The following ARHGEF12 variants were observed in gnomAD, a reference collection of about 807,000 sequenced individuals.
The protein encoded by ARHGEF12 is KMT2A/ARHGEF12 fusion protein.
A neutral mutation model predicts 211.2 loss-of-function variants in ARHGEF12; 66 were observed. The observed-to-expected ratio is 0.31, with a 90% confidence interval of 0.26 to 0.38. The LOEUF is 0.38. ARHGEF12 is among the 10% of genes least tolerant of loss of function. The pLI is 1.00. For missense variants in ARHGEF12, 1,429 were observed against 1,869.5 expected (o/e 0.76, Z 4.34); for synonymous variants, 592 against 638.4 (o/e 0.93, Z 1.09).
intron 4 of ARHGEF12, among the ~76,000 whole-genome samples, chr11:120,415,084 G>C (rs1409967166): frequency 6.6e-6 from 1 of 152,162 alleles, no homozygotes. Flanking sequence ...CTTTATACCA[G>C]ATGATAAAGG....
chr11:120,481,664 A>G (rs1375460621), intron 39 of ARHGEF12, 88 bp downstream of exon 39: 5 of 1,311,752 alleles, frequency 3.8e-6, no homozygotes, highest in South Asian at 1.3e-5. Context: ...GCTGATGTCA[A>G]TAAACTTGTT....
chr11:120,394,220 A>G (rs1048254703), intron 1 of ARHGEF12, among the ~76,000 whole-genome samples: 47 of 151,918 alleles, frequency 3.1e-4, no homozygotes, highest in African/African-American at 1.0e-3. Flanking sequence ...CAATGACATC[A>G]GCTTCTTTTT....
At chr11:120,421,654 T>C in intron 5 of ARHGEF12, 149 bp from the exon 6 acceptor site, 1 of 670,402 alleles carries the variant, frequency 1.5e-6, no homozygotes, top group Non-Finnish European at 2.7e-6. Context: ...GCCAGGATGG[T>C]CTCGATCTCT....
chr11:120,349,623 T>C (rs1591486000), intron 1 of ARHGEF12, among the ~76,000 whole-genome samples: 1 of 152,218 alleles, frequency 6.6e-6, no homozygotes, highest in East Asian at 1.9e-4. Flanking sequence ...AGCAGTTTAA[T>C]TTTTTCATCT....
chr11:120,429,364 C>T (rs1326960139), intron 8 of ARHGEF12, 76 bp from the exon 9 acceptor site: 1 of 1,245,266 alleles, frequency 8.0e-7, no homozygotes, highest in Non-Finnish European at 1.1e-6. Flanking sequence ...CTTTGTATGC[C>T]ACATTTTCTC....
intron 1 of ARHGEF12, among the ~76,000 whole-genome samples, chr11:120,355,623 C>T (rs1023975609): frequency 1.3e-5 from 2 of 152,162 alleles, no homozygotes; most frequent in African/African-American, 4.8e-5. Flanking sequence ...GGGAGGATTG[C>T]TTGAGCCCAG....
intron 1 of ARHGEF12, among the ~76,000 whole-genome samples, chr11:120,343,144 CAA>C (rs1455287795): frequency 6.6e-6 from 1 of 151,814 alleles, no homozygotes; most frequent in Non-Finnish European, 1.5e-5. Context: ...TTGTTAATGA[CAA>C]GACAGTGTAA....
rs193221039 is a variant in ARHGEF12 at position 120,452,945 on chromosome 11, A to T, written c.2056+1221A>T. 2.7e-3 allele frequency among the ~76,000 whole-genome samples: 410 copies of T among 151,620 alleles called. 7 individuals are homozygous for T. The highest frequency in any genetic ancestry group is 0.02 in the Admixed American group (305 of 15,244). ...CAGGAGGTGGGTGGAGGTTGCAGTG[A>T]GCCAAGATCGTGCCAATGCACTCCA... On this transcript the variant is annotated intron_variant, in intron 22 of 40. Coordinates refer to ENST00000397843, the MANE Select transcript of ARHGEF12 (RefSeq NM_015313.3).
chr11:120,415,427 G>A (rs1306795005), intron 4 of ARHGEF12, among the ~76,000 whole-genome samples: 2 of 152,138 alleles, frequency 1.3e-5, no homozygotes, highest in African/African-American at 4.8e-5. Context: ...AACTAGTATG[G>A]ACAGATGCTC....
rs755148156 is a variant in ARHGEF12 at position 120,486,262 on chromosome 11, A to C, written c.*1185A>C. On this transcript the variant is annotated 3_prime_UTR_variant, in exon 41 of 41. Transcript: ENST00000397843. ...ATGGTGCCAAAGGGCCCTGAGTCAA[A>C]AGGATAGCCAAGGGTGGAGTGGAAA... The C allele has an allele frequency of 4.3e-6, 1 of 233,414 alleles. No individual in the cohort carries two copies. 14.5% of individuals were successfully genotyped at this position (233,414 alleles called of 1,614,324 possible).
chr11:120,346,794 G>A (rs758032959), intron 1 of ARHGEF12, among the ~76,000 whole-genome samples: 14 of 152,128 alleles, frequency 9.2e-5, no homozygotes, highest in Non-Finnish European at 1.3e-4. Flanking sequence ...AGCAGTTAAT[G>A]TACGGACAAT....
rs895514764 is a variant in ARHGEF12 at position 120,479,901 on chromosome 11, C to T, written c.3767-59C>T. The stretch of plus-strand genomic sequence containing the variant: ...GGTAAGTCAGCTAATTTAATTCTTG[C>T]AGCCTGAGGTTATAGTTGTGAATAT... On this transcript the variant is annotated intron_variant, in intron 37 of 40. Transcript: ENST00000397843. 2.0e-5 allele frequency: 28 copies of T among 1,403,712 alleles called. No individual in the cohort carries two copies. The East Asian group carries it at 5.1e-4, about 25-fold the overall frequency. The allele number at this position is 1,403,712 out of a possible 1,614,324, so 87.0% of individuals were successfully genotyped here. A position where few individuals can be genotyped will look rare whatever the true frequency, so the allele number is the denominator to read the frequency against.
intron 1 of ARHGEF12, among the ~76,000 whole-genome samples, chr11:120,352,253 T>C (rs560462712): frequency 1.3e-5 from 2 of 152,346 alleles, no homozygotes; most frequent in African/African-American, 4.8e-5. Context: ...GCTTTAAATA[T>C]ATACACATCT....
At chr11:120,393,071 T>G (rs2135506670) in intron 1 of ARHGEF12, among the ~76,000 whole-genome samples, 1 of 152,296 alleles carries the variant, frequency 6.6e-6, no homozygotes, top group East Asian at 1.9e-4. Flanking sequence ...TCAATAAAAA[T>G]GTATGGAATG....
At chr11:120,339,171 A>G (rs1238288223) in intron 1 of ARHGEF12, among the ~76,000 whole-genome samples, 1 of 151,984 alleles carries the variant, frequency 6.6e-6, no homozygotes, top group Admixed American at 6.6e-5. Flanking sequence ...AGACCTTGGA[A>G]AGCCAATTAA....
chr11:120,419,714 T>A (rs1945128346), intron 4 of ARHGEF12, among the ~76,000 whole-genome samples: 1 of 152,200 alleles, frequency 6.6e-6, no homozygotes. Flanking sequence ...TAACATATCT[T>A]TAGCATATCG....
At chr11:120,457,326 T>G (rs1014976081) in intron 23 of ARHGEF12, 76 bp downstream of exon 23, 2 of 1,528,156 alleles carry the variant, frequency 1.3e-6, no homozygotes, top group African/African-American at 1.4e-5. Context: ...CTATACTTAG[T>G]AGCATTCTAG....
chr11:120,362,402 CT>C (rs1361663006), intron 1 of ARHGEF12, among the ~76,000 whole-genome samples: 1 of 152,150 alleles, frequency 6.6e-6, no homozygotes, highest in African/African-American at 2.4e-5. Context: ...GAGTTAAATG[CT>C]TGTGTCTCAT....
intron 4 of ARHGEF12, chr11:120,410,276 T>G (rs1944840316): frequency 6.9e-6 from 1 of 144,488 alleles, no homozygotes. Flanking sequence ...GGAGTCTGAT[T>G]AGGGTTTTGT....
Sources: gnomAD v4.1 joint callset for allele counts (sites outside exome capture counted in the v4.1 genomes callset) on GRCh38, gnomAD v4.1.1 for gene constraint, MANE v1.5 for transcripts, NCBI Gene and HGNC (gene_info 2026-07-23, HGNC 2026-07-21) for gene names.